Variants in MRPL15 observed in about 807,000 individuals in gnomAD.
The protein encoded by MRPL15 is mitochondrial ribosomal protein L15, also known as large ribosomal subunit protein uL15m.
Under a neutral mutation model 28.0 loss-of-function variants are expected in MRPL15, and 24 were observed. The observed-to-expected ratio is 0.86, with a 90% CI of 0.62 to 1.21. The LOEUF (loss-of-function observed/expected upper bound fraction) is 1.21, where lower values mean the gene tolerates loss of function less well. Ranked by LOEUF, MRPL15 falls within the 50% of genes most tolerant of loss-of-function variation. The pLI, the probability that MRPL15 is intolerant of heterozygous loss-of-function variation, is 0.00. For synonymous variants in MRPL15, 124 were observed against 137.0 expected, an observed-to-expected ratio of 0.90 and a Z score of 0.66; for missense variants, 343 against 372.4, an observed-to-expected ratio of 0.92 and a Z score of 0.65.
intron 1 of MRPL15, among the ~76,000 whole-genome samples, 179 bp from the exon 2 acceptor site, chr8:54,136,332 A>C (rs898088466): frequency 6.6e-6 from 1 of 152,220 alleles, no homozygotes; most frequent in Non-Finnish European, 1.5e-5. Flanking sequence ...CTATGTCTTT[A>C]GAGGCAAAGA....
intron 3 of MRPL15, among the ~76,000 whole-genome samples, chr8:54,141,976 G>A (rs1008116094): frequency 6.7e-6 from 1 of 148,576 alleles, no homozygotes; most frequent in African/African-American, 2.5e-5. Context: ...CCTCAGCCTC[G>A]AAATAGCTGG....
chr8:54,148,216 G>A lies in MRPL15; in HGVS notation c.*497G>A, dbSNP rs749548949. On this transcript the variant is annotated 3_prime_UTR_variant, in exon 5 of 5. Coordinates refer to ENST00000260102, the MANE Select transcript of MRPL15 (RefSeq NM_014175.4). ...TAAGATCAGGACGTATGCTTAAGGT[G>A]TAAGGCTGAGGAGTAGCTGGTAGGC... Among the ~76,000 whole-genome samples the A allele has an allele frequency of 8.5e-5, 13 of 152,232 alleles. No individual in the cohort carries two copies. Among genetic ancestry groups the A allele is most frequent in the Non-Finnish European group, 1.9e-4 (13 of 68,046 alleles).
chr8:54,142,723 A>T lies in MRPL15; in HGVS notation c.490A>T (p.Ile164Phe). Residue 164 changes from isoleucine to phenylalanine, a missense_variant, in exon 4 of 5, where the codon ATT (isoleucine) becomes TTT (phenylalanine). By Grantham distance (21) the Ile-to-Phe change is conservative (BLOSUM62 0). Transcript: ENST00000260102. ...IEVQLASELA[I>F]AAIEKNGGVV... ...AGTACAGTTGGCTTCAGAACTAGCT[A>T]TTGCTGCCATTGAAAAAAATGGTGG... 1 of 1,614,014 alleles carries T rather than the reference A, an allele frequency of 6.2e-7. No homozygotes were observed. Among genetic ancestry groups the T allele is most frequent in the Middle Eastern group, 1.6e-4 (1 of 6,062 alleles).
At chr8:54,140,574 C>CTTTTTTT (rs71551976) in intron 3 of MRPL15, among the ~76,000 whole-genome samples, 3 of 99,574 alleles carry the variant, frequency 3.0e-5, no homozygotes, top group East Asian at 5.4e-4. Context: ...ATTTTCTTTT[C>CTTTTTTT]TTTTTTTTTT....
At position 54,135,335 on chromosome 8, in the gene MRPL15, G is replaced by T. The variant is rs1810809264; in HGVS notation, c.52G>T (p.Gly18Cys). 6.7e-6 allele frequency: 10 copies of T among 1,499,462 alleles called. No individual in the cohort carries two copies. Among genetic ancestry groups the T allele is most frequent in the Non-Finnish European group, 8.9e-6 (10 of 1,120,750 alleles). The allele number at this position is 1,499,462 out of a possible 1,614,324, so 92.9% of individuals were successfully genotyped here. Residue 18 changes from glycine to cysteine, a missense_variant, in exon 1 of 5, where the codon GGC (glycine) becomes TGC (cysteine). Coordinates refer to ENST00000260102, the MANE Select transcript of MRPL15 (RefSeq NM_014175.4). ...GGARALDLLRGLPRVSLANLK... is the reference protein window; with the variant it reads ...GGARALDLLRCLPRVSLANLK... The stretch of plus-strand genomic sequence containing the variant: ...GGCCCGGGCCCTGGACCTACTCCGG[G>T]GCCTGCCGCGTGTGAGCCTGGCCAA...
rs1811061130 is a variant in MRPL15, at chr8:54,147,404, A to T, written c.576A>T (p.Pro192=). The T allele has an allele frequency of 6.2e-7, 1 of 1,612,102 alleles. No homozygotes were observed. Among genetic ancestry groups the T allele is most frequent in the South Asian group, 1.1e-5 (1 of 90,992 alleles). The change falls in exon 5 of 5, where the codon CCA becomes CCT. Residue 192 remains proline, a synonymous_variant. Transcript: ENST00000260102. The part of the protein sequence containing the change: ...RSLDIVCKPV[P]FFLRGQPIPK... The stretch of plus-strand genomic sequence containing the variant: ...TAGACATTGTATGCAAACCTGTTCC[A>T]TTCTTTCTTCGTGGACAACCCATTC...
intron 3 of MRPL15, 28 bp from the exon 4 acceptor site, chr8:54,142,635 A>G (rs376751541): frequency 2.6e-5 from 41 of 1,606,422 alleles, no homozygotes; most frequent in Non-Finnish European, 3.1e-5. Flanking sequence ...CAAGCTGTTT[A>G]CCAACAGACT....
In MRPL15 at chr8:54,142,741, A is replaced by C. The variant is rs577582421; in HGVS notation, c.508A>C (p.Asn170His). The change falls in exon 4 of 5, where the codon AAT becomes CAT. Residue 170 changes from asparagine (N) to histidine (H), a missense_variant. By Grantham distance (68) the Asn-to-His change is moderately conservative. Transcript: ENST00000260102. ...SELAIAAIEK[N>H]GGVVTTAFYD... ...ACTAGCTATTGCTGCCATTGAAAAA[A>C]ATGGTGGTGTTGTTACTACAGCCTT... 140 of 1,614,186 alleles carry C rather than the reference A, an allele frequency of 8.7e-5. No homozygotes were observed. In the East Asian group the frequency reaches 2.6e-3, roughly 30 times the overall value.
In MRPL15 at chr8:54,147,971, A is replaced by C. The variant is rs752216161; in HGVS notation, c.*252A>C. ...AGTCTATGGAAGGAAAATGACAACT[A>C]TTTTAGAATATTTCTAGTTTGTTTT... On this transcript the variant is annotated 3_prime_UTR_variant, in exon 5 of 5. Coordinates refer to ENST00000260102, the MANE Select transcript of MRPL15 (RefSeq NM_014175.4). The C allele has an allele frequency of 1.8e-5, 7 of 382,232 alleles. No individual in the cohort carries two copies. Among genetic ancestry groups the C allele is most frequent in the Non-Finnish European group, 2.8e-5 (6 of 213,082 alleles). 23.7% of individuals were successfully genotyped at this position (382,232 alleles called of 1,614,324 possible). A position where few individuals can be genotyped will look rare whatever the true frequency, so the allele number is the denominator to read the frequency against.
intron 3 of MRPL15, among the ~76,000 whole-genome samples, chr8:54,137,638 G>A (rs548801727): frequency 6.6e-6 from 1 of 151,810 alleles, no homozygotes; most frequent in African/African-American, 2.4e-5. Flanking sequence ...AATTTTATTT[G>A]TTTTTAGTAG....
chr8:54,147,591 A>C lies in MRPL15; in HGVS notation c.763A>C (p.Met255Leu). ...TATCACTAAAGATGAACTCTTCAAAATGCTCTGTACTAGGAAGGATCCAAG... is the reference window on the plus strand; with the variant it reads ...TATCACTAAAGATGAACTCTTCAAACTGCTCTGTACTAGGAAGGATCCAAG... ...PDITKDELFK[M>L]LCTRKDPRQI... The change falls in exon 5 of 5, where the codon ATG becomes CTG. Residue 255 changes from methionine (M) to leucine (L), a missense_variant. Coordinates refer to ENST00000260102, the MANE Select transcript of MRPL15 (RefSeq NM_014175.4). The C allele has an allele frequency of 6.2e-7, 1 of 1,614,196 alleles. No individual in the cohort carries two copies. Among genetic ancestry groups the C allele is most frequent in the East Asian group, 2.2e-5 (1 of 44,872 alleles).
At chr8:54,141,815 C>A (rs557224817) in intron 3 of MRPL15, among the ~76,000 whole-genome samples, 9 of 151,080 alleles carry the variant, frequency 6.0e-5, no homozygotes, top group Admixed American at 1.3e-4. Context: ...AGTTGTTATA[C>A]TGTATTTAAA....
chr8:54,147,685 C>T lies in MRPL15; in HGVS notation c.857C>T (p.Thr286Ile). The T allele has an allele frequency of 6.2e-7, 1 of 1,613,500 alleles. No individual in the cohort carries two copies. Among genetic ancestry groups the T allele is most frequent in the Non-Finnish European group, 8.5e-7 (1 of 1,179,810 alleles). Reference sequence around the variant, plus strand: ...GCCGATAAGAAAATCCTAAAACCTACAGATGAAAATCTCCTTAAGTATTAT... The same window carrying T: ...GCCGATAAGAAAATCCTAAAACCTATAGATGAAAATCTCCTTAAGTATTAT... ...NMADKKILKPTDENLLKYYTS is the reference protein window; with the variant it reads ...NMADKKILKPIDENLLKYYTS Residue 286 changes from threonine (T) to isoleucine (I), a missense_variant, in exon 5 of 5, where the codon ACA (threonine) becomes ATA (isoleucine). By Grantham distance (89) the Thr-to-Ile change is moderately conservative. Coordinates refer to ENST00000260102, the MANE Select transcript of MRPL15 (RefSeq NM_014175.4).
At chr8:54,137,640 T>A (rs777161845) in intron 3 of MRPL15, among the ~76,000 whole-genome samples, 10 of 152,024 alleles carry the variant, frequency 6.6e-5, no homozygotes, top group Non-Finnish European at 1.3e-4. Flanking sequence ...TTTTATTTGT[T>A]TTTAGTAGAG....
At chr8:54,140,643 G>A (rs180695126) in intron 3 of MRPL15, among the ~76,000 whole-genome samples, 3,517 of 137,920 alleles carry the variant, frequency 0.026, 84 homozygotes, top group Middle Eastern at 0.045. Context: ...GCGCGATCTC[G>A]GCTCACTGCA....
At chr8:54,138,368 G>T (rs1160468281) in intron 3 of MRPL15, among the ~76,000 whole-genome samples, 1 of 135,762 alleles carries the variant, frequency 7.4e-6, no homozygotes, top group Non-Finnish European at 1.5e-5. Flanking sequence ...CCAGGCTGGA[G>T]TACAATGGCG....
chr8:54,140,326 C>T (rs572452471), intron 3 of MRPL15, among the ~76,000 whole-genome samples: 5 of 151,970 alleles, frequency 3.3e-5, no homozygotes, highest in Admixed American at 6.6e-5. Flanking sequence ...GGCACAATCT[C>T]GACTCACTGC....
chr8:54,144,526 T>G (rs1166440518), intron 4 of MRPL15, among the ~76,000 whole-genome samples: 2 of 152,128 alleles, frequency 1.3e-5, no homozygotes, highest in East Asian at 3.8e-4. Context: ...ATCCCAGCAC[T>G]TTGGGAAGCC....
At chr8:54,136,473 G>C in intron 1 of MRPL15, 38 bp from the exon 2 acceptor site, 1 of 1,583,828 alleles carries the variant, frequency 6.3e-7, no homozygotes, top group Non-Finnish European at 8.6e-7. Context: ...TTTTAGAAAT[G>C]CATCTGAAAT....
Sources: allele counts gnomAD v4.1 joint callset (sites outside exome capture counted in the v4.1 genomes callset), GRCh38; gene constraint gnomAD v4.1.1; transcripts MANE v1.5; gene names NCBI Gene and HGNC (gene_info 2026-07-23, HGNC 2026-07-21).